The following HID1 variants were observed in gnomAD, a reference collection of about 807,000 sequenced individuals.
HID1 encodes protein HID1.
HID1 carries 42 observed loss-of-function variants against 89.7 expected under a neutral mutation model. The observed-to-expected ratio is 0.47, with a 90% confidence interval of 0.37 to 0.61. The LOEUF is 0.61. HID1 is among the 20% of genes least tolerant of loss of function. HID1 has a pLI of 0.00. For missense variants in HID1, 854 were observed against 1,039.3 expected, an observed-to-expected ratio of 0.82 and a Z score of 2.45; for synonymous variants, 442 against 433.8, an observed-to-expected ratio of 1.02 and a Z score of -0.24.
At position 74,953,586 on chromosome 17, in the gene HID1, C is replaced by T; in HGVS notation, c.1930G>A (p.Glu644Lys). The T allele has an allele frequency of 6.2e-7, 1 of 1,614,068 alleles. No individual in the cohort carries two copies. Among genetic ancestry groups the T allele is most frequent in the Non-Finnish European group, 8.5e-7 (1 of 1,179,970 alleles). ...CCATCCTCCAAGCTCTGCTGGGGCT[C>T]AGGTTCCAGGGACCGCAAGGTGCCA... ...EDGTLRSLEP[E>K]PQQSLEDGSP... The change falls in exon 15 of 19, where the codon GAG becomes AAG. Residue 644 changes from glutamate to lysine, a missense_variant. Transcript: ENST00000425042.
chr17:74,956,712 C>T (rs1023159013), intron 12 of HID1, among the ~76,000 whole-genome samples: 12 of 152,240 alleles, frequency 7.9e-5, no homozygotes, highest in Non-Finnish European at 1.5e-4. Flanking sequence ...GACCAGCCAC[C>T]CCTAGCCACA....
intron 1 of HID1, among the ~76,000 whole-genome samples, chr17:74,966,354 G>A (rs147452979): frequency 1.3e-5 from 2 of 151,478 alleles, no homozygotes; most frequent in African/African-American, 4.8e-5. Context: ...CTCTCTCTGG[G>A]TGGTTTTATA....
intron 17 of HID1, 22 bp from the exon 18 acceptor site, chr17:74,952,085 C>A: frequency 1.3e-6 from 2 of 1,553,954 alleles, no homozygotes; most frequent in Non-Finnish European, 1.7e-6. Flanking sequence ...GGGGTATCTC[C>A]AGCACACTCA....
chr17:74,953,201 G>T, intron 15 of HID1, 115 bp from the exon 16 acceptor site: 1 of 927,184 alleles, frequency 1.1e-6, no homozygotes, highest in Non-Finnish European at 1.6e-6. Context: ...GGAAGGCCCA[G>T]CCCAGCAGCC....
chr17:74,958,911 CTTG>C lies in HID1; in HGVS notation c.1146_1148del (p.Asn382del). On this transcript the variant is annotated inframe_deletion and splice_region_variant, in exon 9 of 19. Coordinates refer to ENST00000425042, the MANE Select transcript of HID1 (RefSeq NM_030630.3). This position sits in a 1 kb window ranked among gnomAD's most constrained non-coding sequence, Gnocchi z 5.2. ...GCAGGGCCCCTCGAGGCTGGCCCAC[CTTG>C]TTGAAGTCGCAGAGCTTCCAGAAGA... The C allele has an allele frequency of 6.3e-7, 1 of 1,589,732 alleles. No individual in the cohort carries two copies. Among genetic ancestry groups the C allele is most frequent in the Non-Finnish European group, 8.5e-7 (1 of 1,170,330 alleles).
intron 1 of HID1, among the ~76,000 whole-genome samples, chr17:74,970,290 C>G (rs937810841): frequency 1.3e-5 from 2 of 152,158 alleles, no homozygotes; most frequent in African/African-American, 4.8e-5. Context: ...CCTGGGGGAG[C>G]AGTTGTATCT....
chr17:74,964,076 G>T, intron 2 of HID1, 166 bp from the exon 3 acceptor site: 1 of 688,868 alleles, frequency 1.5e-6, no homozygotes, highest in Non-Finnish European at 2.4e-6. Flanking sequence ...TGGAGTTGGG[G>T]TCGGCCAGCC....
rs1297978938 is a variant in HID1, at chr17:74,959,591, G to C, written c.1008+290C>G. Reference sequence around the variant, plus strand: ...CAAGATCACAAGACACATGAACTGGGACTGCTTGGCCTGAAGCCCTTGTCC... The same window carrying C: ...CAAGATCACAAGACACATGAACTGGCACTGCTTGGCCTGAAGCCCTTGTCC... On this transcript the variant is annotated intron_variant, in intron 8 of 18. Transcript: ENST00000425042. This position sits in a 1 kb window ranked among gnomAD's most constrained non-coding sequence, Gnocchi z 4.6. 6.6e-6 allele frequency among the ~76,000 whole-genome samples: 1 copy of C among 152,096 alleles called. No individual in the cohort carries two copies. Among genetic ancestry groups the C allele is most frequent in the African/African-American group, 2.4e-5 (1 of 41,418 alleles).
Position 74,952,242 on chromosome 17 carries a change from CCCCGG to C in HID1, c.2144+22_2144+26del, listed in dbSNP as rs761705503. On this transcript the variant is annotated intron_variant, in intron 17 of 18. Coordinates refer to ENST00000425042, the MANE Select transcript of HID1 (RefSeq NM_030630.3). ...CCACAACCCCGGCCCCGCCCACAAC[CCCCGG>C]CCCTGCCGGCGCCCGACTCACTTGT... The C allele has an allele frequency of 3.1e-6, 5 of 1,601,872 alleles. No individual in the cohort carries two copies. The Admixed American group carries it at 8.4e-5, about 27-fold the overall frequency.
chr17:74,961,706 C>G, intron 6 of HID1, 167 bp downstream of exon 6: 1 of 397,350 alleles, frequency 2.5e-6, no homozygotes. Flanking sequence ...GTCGAGGACT[C>G]CAAGGAGAGA....
rs1168435528 is a variant in HID1, at chr17:74,952,061, C to A, written c.2147G>T (p.Gly716Val). ...PQVEKICIDK[G>V]LTDESEILRF... Reference sequence around the variant, plus strand: ...CAGGATCTCAGACTCATCCGTCAGGCCCCTGCGGGGAGAGGGGTATCTCCA... The same window carrying A: ...CAGGATCTCAGACTCATCCGTCAGGACCCTGCGGGGAGAGGGGTATCTCCA... Residue 716 changes from glycine (G) to valine (V), a missense_variant and splice_region_variant, in exon 18 of 19, where the codon GGC (glycine) becomes GTC (valine). Coordinates refer to ENST00000425042, the MANE Select transcript of HID1 (RefSeq NM_030630.3). 6.4e-7 allele frequency: 1 copy of A among 1,556,428 alleles called. No homozygotes were observed. Among genetic ancestry groups the A allele is most frequent in the Non-Finnish European group, 8.7e-7 (1 of 1,149,826 alleles).
intron 14 of HID1, 97 bp from the exon 15 acceptor site, chr17:74,953,748 G>A: frequency 1.1e-6 from 1 of 948,548 alleles, no homozygotes; most frequent in South Asian, 1.5e-5. Context: ...TTTTACTCCT[G>A]CTTCCCTCTG....
chr17:74,951,597 C>G lies in HID1; in HGVS notation c.2340G>C (p.Val780=). 5.0e-6 allele frequency: 8 copies of G among 1,612,734 alleles called. No individual in the cohort carries two copies. The highest frequency in any genetic ancestry group is 5.9e-6 in the Non-Finnish European group (7 of 1,179,496). ...VDPPVWYDTD[V]KLFEIQRV ...ACACCCGCTGTATCTCAAACAGCTT[C>G]ACGTCGGTGTCGTACCAGACAGGGG... The change falls in exon 19 of 19, where the codon GTG becomes GTC. Residue 780 remains valine, a synonymous_variant. Coordinates refer to ENST00000425042, the MANE Select transcript of HID1 (RefSeq NM_030630.3).
intron 18 of HID1, 71 bp downstream of exon 18, chr17:74,951,834 G>C (rs1598613162): frequency 6.9e-7 from 1 of 1,451,806 alleles, no homozygotes; most frequent in Non-Finnish European, 9.2e-7. Context: ...GTGGGGCCCA[G>C]AGCTGAGGTC....
chr17:74,954,157 G>C lies in HID1; in HGVS notation c.1845C>G (p.Thr615=). The C allele has an allele frequency of 6.2e-7, 1 of 1,600,752 alleles. No homozygotes were observed. The highest frequency in any genetic ancestry group is 8.5e-7 in the Non-Finnish European group (1 of 1,174,878). Residue 615 remains threonine, a synonymous_variant, in exon 14 of 19, where the codon ACC becomes ACG. Coordinates refer to ENST00000425042, the MANE Select transcript of HID1 (RefSeq NM_030630.3). ...CCAGACCTGGAGTAGCCACCAGACT[G>C]GTCTTGAGGGTGCCTGGCTCTGCAG... ...AAPAEPGTLK[T]SLVATPGIDK...
At chr17:74,960,300 CT>C (rs1311965744) in intron 6 of HID1, 52 bp from the exon 7 acceptor site, 13 of 1,483,638 alleles carry the variant, frequency 8.8e-6, no homozygotes, top group Admixed American at 1.9e-5. Flanking sequence ...GCCCAGCCCC[CT>C]GGCCACACCT....
At chr17:74,964,691 G>T in intron 1 of HID1, 59 bp from the exon 2 acceptor site, 1 of 1,546,720 alleles carries the variant, frequency 6.5e-7, no homozygotes, top group Admixed American at 1.9e-5. Context: ...CCTACACTTT[G>T]CCCAACTTGT....
At chr17:74,952,200 C>A in intron 17 of HID1, 69 bp downstream of exon 17, 1 of 1,539,410 alleles carries the variant, frequency 6.5e-7, no homozygotes, top group Non-Finnish European at 8.9e-7. Flanking sequence ...CCCACCTGCC[C>A]ACACCACCGG....
At chr17:74,955,737 A>C in intron 13 of HID1, 55 bp downstream of exon 13, 1 of 1,557,136 alleles carries the variant, frequency 6.4e-7, no homozygotes, top group Non-Finnish European at 8.8e-7. Context: ...CCCCTTATGT[A>C]GGAAGTAGGC....
Sources: allele counts gnomAD v4.1 joint callset (sites outside exome capture counted in the v4.1 genomes callset), GRCh38; gene constraint gnomAD v4.1.1; non-coding constraint Gnocchi (gnomAD v3.1); transcripts MANE v1.5; gene names NCBI Gene and HGNC (gene_info 2026-07-23, HGNC 2026-07-21).